Variants in GLG1 observed in about 807,000 individuals in gnomAD.
GLG1 encodes Golgi apparatus protein 1.
A neutral mutation model predicts 160.5 loss-of-function variants in GLG1; 38 were observed. That is an observed-to-expected ratio of 0.24 (90% CI 0.18 to 0.31). The LOEUF is 0.31. Among genes scored for constraint, GLG1 ranks in the 10% least tolerant of loss-of-function variants. The pLI, the probability that GLG1 is intolerant of heterozygous loss-of-function variation, is 1.00. For synonymous variants in GLG1, 644 were observed against 543.4 expected, an observed-to-expected ratio of 1.19 and a Z score of -2.57; for missense variants, 1,373 against 1,505.2, an observed-to-expected ratio of 0.91 and a Z score of 1.45.
At position 74,453,346 on chromosome 16, in the gene GLG1, C is replaced by A; in HGVS notation, c.3373-12G>T. The A allele has an allele frequency of 6.3e-7, 1 of 1,591,504 alleles. No individual in the cohort carries two copies. The highest frequency in any genetic ancestry group is 8.6e-7 in the Non-Finnish European group (1 of 1,159,810). ...TCTGCTGGGGCCACCTAGAATGACA[C>A]AAGGCAATGTGATTCTCTGAGAGAG... On this transcript the variant is annotated splice_polypyrimidine_tract_variant and intron_variant, in intron 25 of 25. Coordinates refer to ENST00000422840, the MANE Select transcript of GLG1 (RefSeq NM_001145667.2).
At chr16:74,602,375 A>C (rs2143917142) in intron 1 of GLG1, among the ~76,000 whole-genome samples, 1 of 152,358 alleles carries the variant, frequency 6.6e-6, no homozygotes, top group East Asian at 1.9e-4. Context: ...AACAAACAAA[A>C]AAAACCTTCT....
At position 74,449,197 on chromosome 16, in the gene GLG1, T is replaced by C. The variant is rs1170889424; in HGVS notation, c.*3970A>G. On this transcript the variant is annotated 3_prime_UTR_variant, in exon 26 of 26. Transcript: ENST00000422840. ...TCCAAGGTTCCTGGTCCAGCTTCCT[T>C]CTTCTTAGATTAAGTTCTGACTTAG... 1 of 152,234 alleles carries C rather than the reference T, an allele frequency of 6.6e-6. No individual in the cohort carries two copies. The highest frequency in any genetic ancestry group is 1.5e-5 in the Non-Finnish European group (1 of 68,060). 9.4% of individuals were successfully genotyped at this position (152,234 alleles called of 1,614,324 possible).
At chr16:74,514,567 A>T (rs1185868031) in intron 2 of GLG1, among the ~76,000 whole-genome samples, 1 of 152,180 alleles carries the variant, frequency 6.6e-6, no homozygotes, top group Non-Finnish European at 1.5e-5. Flanking sequence ...GAGAAATAAA[A>T]TACTTTACAG....
chr16:74,548,078 C>A (rs1334090636), intron 1 of GLG1, among the ~76,000 whole-genome samples: 1 of 152,146 alleles, frequency 6.6e-6, no homozygotes, highest in Non-Finnish European at 1.5e-5. Context: ...AATAGGCGTG[C>A]GCCACCAAGC....
At chr16:74,581,687 G>C (rs1230775774) in intron 1 of GLG1, among the ~76,000 whole-genome samples, 1 of 152,104 alleles carries the variant, frequency 6.6e-6, no homozygotes, top group Admixed American at 6.6e-5. Flanking sequence ...GAGGCAGGCA[G>C]ATCACCTGAG....
chr16:74,545,742 T>C (rs947270017), intron 1 of GLG1, among the ~76,000 whole-genome samples: 2 of 152,246 alleles, frequency 1.3e-5, no homozygotes, highest in African/African-American at 2.4e-5. Flanking sequence ...CAGACATCTT[T>C]TAACATGCAA....
intron 8 of GLG1, 53 bp downstream of exon 8, chr16:74,490,948 C>T (rs2015959268): frequency 1.6e-6 from 2 of 1,263,696 alleles, no homozygotes; most frequent in East Asian, 2.3e-5. Flanking sequence ...CAGGAAGAGG[C>T]TCTTCAGCTG....
intron 10 of GLG1, among the ~76,000 whole-genome samples, chr16:74,481,176 A>G (rs1177708629): frequency 6.6e-6 from 1 of 152,230 alleles, no homozygotes; most frequent in Non-Finnish European, 1.5e-5. Flanking sequence ...ATGGCAAGAT[A>G]AATAGTCTCC....
intron 3 of GLG1, among the ~76,000 whole-genome samples, chr16:74,504,386 C>A (rs2016523004): frequency 6.6e-6 from 1 of 152,118 alleles, no homozygotes; most frequent in African/African-American, 2.4e-5. Flanking sequence ...CACCCAGGTT[C>A]AAGTGATTCT....
At chr16:74,523,517 G>A (rs1382971054) in intron 2 of GLG1, among the ~76,000 whole-genome samples, 3 of 152,100 alleles carry the variant, frequency 2.0e-5, no homozygotes, top group Non-Finnish European at 4.4e-5. Flanking sequence ...TATAGTCAAT[G>A]TAATGAGCAT....
intron 1 of GLG1, among the ~76,000 whole-genome samples, chr16:74,580,455 C>T (rs932813869): frequency 8.5e-5 from 13 of 152,088 alleles, no homozygotes; most frequent in Admixed American, 7.2e-4. Context: ...GCCATATTCA[C>T]GCCATTACAC....
In GLG1 at chr16:74,483,382, A is replaced by C. The variant is rs79029150; in HGVS notation, c.1572-258T>G. Among the ~76,000 whole-genome samples the C allele has an allele frequency of 0.018, 2,813 of 152,264 alleles. 35 individuals are homozygous for C. The highest frequency in any genetic ancestry group is 0.027 in the Non-Finnish European group (1,847 of 68,016). On this transcript the variant is annotated intron_variant, in intron 9 of 25. Transcript: ENST00000422840. The stretch of plus-strand genomic sequence containing the variant: ...GCTGTATTTTTAACTGGTTATGAAA[A>C]CTTTCCAACACACAAAGAAGTAGAG...
intron 2 of GLG1, among the ~76,000 whole-genome samples, chr16:74,509,507 C>G (rs1437962114): frequency 1.3e-5 from 2 of 151,792 alleles, no homozygotes; most frequent in African/African-American, 4.8e-5. Context: ...GGAGGAGAGT[C>G]GCCCAGGTTC....
intron 2 of GLG1, among the ~76,000 whole-genome samples, chr16:74,518,448 G>T (rs536671270): frequency 1.3e-5 from 2 of 152,230 alleles, no homozygotes; most frequent in South Asian, 2.1e-4. Context: ...AAACAATGGG[G>T]AAAAGATTCC....
chr16:74,578,354 T>A (rs1957862159), intron 1 of GLG1, among the ~76,000 whole-genome samples: 1 of 152,180 alleles, frequency 6.6e-6, no homozygotes. Flanking sequence ...GTCCATTTTA[T>A]CCTCTAGCTT....
Position 74,474,566 on chromosome 16 carries a change from G to C in GLG1, c.2032C>G (p.Leu678Val). The C allele has an allele frequency of 6.5e-7, 1 of 1,544,916 alleles. No individual in the cohort carries two copies. Among genetic ancestry groups the C allele is most frequent in the South Asian group, 1.1e-5 (1 of 89,600 alleles). The change falls in exon 13 of 26, where the codon CTC (leucine) becomes GTC (valine). Residue 678 changes from leucine (L) to valine (V), a missense_variant. Leu to Val is a conservative substitution (Grantham distance 32). Transcript: ENST00000422840. Reference protein sequence around the residue: ...VVECRDIVGNLTELESEDIQI... With the variant: ...VVECRDIVGNVTELESEDIQI... ...CTTACCTCTGATTCTAACTCAGTGA[G>C]GTTGCCAACTATATCTCTACACTCC...
At chr16:74,464,556 T>A (rs1364960297) in intron 19 of GLG1, among the ~76,000 whole-genome samples, 1 of 152,192 alleles carries the variant, frequency 6.6e-6, no homozygotes, top group East Asian at 1.9e-4. Flanking sequence ...CTCTTCCTAG[T>A]TCTGTTTCTA....
At chr16:74,535,414 T>C (rs2017661710) in intron 1 of GLG1, among the ~76,000 whole-genome samples, 2 of 152,208 alleles carry the variant, frequency 1.3e-5, no homozygotes, top group African/African-American at 4.8e-5. Context: ...TGACTATAAA[T>C]GCGTCTTATT....
intron 2 of GLG1, among the ~76,000 whole-genome samples, chr16:74,527,095 T>C (rs2017358314): frequency 6.6e-6 from 1 of 152,164 alleles, no homozygotes; most frequent in African/African-American, 2.4e-5. Flanking sequence ...ATTGAATTGA[T>C]ATTATGCTAC....
Sources: allele counts gnomAD v4.1 joint callset (sites outside exome capture counted in the v4.1 genomes callset), GRCh38; gene constraint gnomAD v4.1.1; transcripts MANE v1.5; gene names NCBI Gene and HGNC (gene_info 2026-07-23, HGNC 2026-07-21).